ELFN1: variants seen among roughly 807,000 people sequenced by gnomAD.
ELFN1 encodes the protein protein ELFN1.
A neutral mutation model predicts 7.6 loss-of-function variants in ELFN1; 6 were observed. The ratio of observed to expected loss-of-function variants is 0.79; its 90% CI spans 0.43 to 1.56. The LOEUF is 1.56. Ranked by LOEUF, ELFN1 falls within the 40% of genes most tolerant of loss-of-function variation. The pLI is 0.01. For synonymous variants in ELFN1, 657 were observed against 588.1 expected, an observed-to-expected ratio of 1.12 and a Z score of -1.70; for missense variants, 1,169 against 1,232.2, an observed-to-expected ratio of 0.95 and a Z score of 0.77.
At chr7:1,702,613 A>C (rs6952841) in intron 2 of ELFN1, among the ~76,000 whole-genome samples, 1 of 150,838 alleles carries the variant, frequency 6.6e-6, no homozygotes, top group African/African-American at 2.5e-5. Context: ...AAGACTGTTG[A>C]TGTTTCATAA....
intron 3 of ELFN1, among the ~76,000 whole-genome samples, chr7:1,725,106 G>C (rs1340550582): frequency 7.9e-5 from 12 of 152,256 alleles, no homozygotes; most frequent in Admixed American, 7.8e-4. Flanking sequence ...GGATCAAAAA[G>C]GGGTCTCCCA....
intron 3 of ELFN1, 31 bp from the exon 4 acceptor site, chr7:1,744,270 TCCC>T: frequency 3.0e-6 from 1 of 337,304 alleles, no homozygotes; most frequent in South Asian, 8.1e-5. Context: ...TTCTCTCTTG[TCCC>T]CTGACCGCTG....
chr7:1,724,368 C>T (rs1002885054), intron 3 of ELFN1, among the ~76,000 whole-genome samples: 2 of 152,140 alleles, frequency 1.3e-5, no homozygotes, highest in South Asian at 2.1e-4. Flanking sequence ...ACCGTGTTTA[C>T]CCTTGAACTT....
intron 3 of ELFN1, among the ~76,000 whole-genome samples, chr7:1,722,605 T>C (rs1225816748): frequency 6.6e-6 from 1 of 152,054 alleles, no homozygotes; most frequent in African/African-American, 2.4e-5. Flanking sequence ...TCCACTCCAG[T>C]ACTTTAATAC....
intron 1 of ELFN1, among the ~76,000 whole-genome samples, chr7:1,684,702 A>T (rs1779034277): frequency 6.6e-6 from 1 of 152,156 alleles, no homozygotes. Context: ...ATTAATACTA[A>T]CAATTATGGT....
rs1779270128 is a variant in ELFN1 at position 1,695,021 on chromosome 7, C to T, written c.-456+6871C>T. On this transcript the variant is annotated intron_variant, in intron 2 of 3. Coordinates refer to ENST00000424383, the MANE Select transcript of ELFN1 (RefSeq NM_001128636.4). The surrounding 1 kb of genome is among the most constrained non-coding windows in gnomAD (Gnocchi z 5.1). Reference sequence around the variant, plus strand: ...CTCCCTGTTGAGTGCTGCAGAGGGGCGTCGGGCGTCGTGCACATGTGCCCA... The same window carrying T: ...CTCCCTGTTGAGTGCTGCAGAGGGGTGTCGGGCGTCGTGCACATGTGCCCA... Among the ~76,000 whole-genome samples the T allele has an allele frequency of 6.6e-6, 1 of 152,180 alleles. No homozygotes were observed.
chr7:1,710,094 A>G (rs1007321915), intron 3 of ELFN1, among the ~76,000 whole-genome samples: 4 of 152,232 alleles, frequency 2.6e-5, no homozygotes, highest in Admixed American at 2.0e-4. Context: ...AACACAGTAC[A>G]CTGAAAAGTC....
At chr7:1,744,215 G>C (rs2895213) in intron 3 of ELFN1, 89 bp from the exon 4 acceptor site, 239,848 of 243,960 alleles carry the variant, frequency 0.98, 117,915 homozygotes, top group East Asian at 1. Context: ...AGGCCACATT[G>C]GGATGCCGCC....
At chr7:1,708,013 C>T (rs1779572754) in intron 2 of ELFN1, among the ~76,000 whole-genome samples, 1 of 152,186 alleles carries the variant, frequency 6.6e-6, no homozygotes, top group Non-Finnish European at 1.5e-5. Context: ...AGCACCAACC[C>T]CCCGCCTCTG....
At chr7:1,672,372 C>T (rs1057468309) in intron 1 of ELFN1, among the ~76,000 whole-genome samples, 2 of 152,220 alleles carry the variant, frequency 1.3e-5, no homozygotes, top group African/African-American at 4.8e-5. Flanking sequence ...CTCCACCTCC[C>T]TACCACGGTC....
At chr7:1,672,841 G>A (rs1278049094) in intron 1 of ELFN1, among the ~76,000 whole-genome samples, 1 of 152,082 alleles carries the variant, frequency 6.6e-6, no homozygotes, top group Non-Finnish European at 1.5e-5. Context: ...ATGGACTTGG[G>A]GTGTTCATAT....
chr7:1,745,568 C>G lies in ELFN1; in HGVS notation c.972C>G (p.Leu324=). The change falls in exon 4 of 4, where the codon CTC becomes CTG. Residue 324 remains leucine, a synonymous_variant. Coordinates refer to ENST00000424383, the MANE Select transcript of ELFN1 (RefSeq NM_001128636.4). ...GCCCCCTCATCAAGGTCAAGCAGCT[C>G]ACTCAGAACTCGGCCACCATCACCG... is the stretch of plus-strand genomic sequence containing the variant. The part of the protein sequence containing the change: ...EARPLIKVKQ[L]TQNSATITVQ... The G allele has an allele frequency of 6.4e-7, 1 of 1,550,426 alleles. No individual in the cohort carries two copies. Among genetic ancestry groups the G allele is most frequent in the South Asian group, 1.2e-5 (1 of 84,064 alleles).
chr7:1,674,032 G>A (rs1195915584), intron 1 of ELFN1, among the ~76,000 whole-genome samples: 1 of 151,450 alleles, frequency 6.6e-6, no homozygotes, highest in African/African-American at 2.4e-5. Flanking sequence ...CACAGGAGCT[G>A]GTGGGGAAAC....
rs1780817278 is a variant in ELFN1, at chr7:1,746,854, T to C, written c.2258T>C (p.Leu753Pro). ...PRPRDLAYSQ[L>P]SPQYHSLSYS... The stretch of plus-strand genomic sequence containing the variant: ...CCCCGCGACCTCGCCTACTCGCAGC[T>C]GTCCCCGCAGTACCACAGCCTGAGC... Residue 753 changes from leucine to proline, a missense_variant, in exon 4 of 4, where the codon CTG becomes CCG. Physicochemically the swap from Leu to Pro is moderately conservative, Grantham distance 98. Transcript: ENST00000424383. The C allele has an allele frequency of 6.5e-7, 1 of 1,537,914 alleles. No homozygotes were observed. The highest frequency in any genetic ancestry group is 8.8e-7 in the Non-Finnish European group (1 of 1,141,106).
intron 2 of ELFN1, among the ~76,000 whole-genome samples, chr7:1,704,272 G>A (rs138815573): frequency 6.2e-4 from 94 of 152,262 alleles, no homozygotes; most frequent in Middle Eastern, 3.4e-3. Context: ...CAGCACCGAT[G>A]GAGGCCATAC....
intron 3 of ELFN1, among the ~76,000 whole-genome samples, chr7:1,742,740 C>T (rs890625579): frequency 6.6e-6 from 1 of 152,252 alleles, no homozygotes; most frequent in Admixed American, 6.5e-5. Flanking sequence ...TTGTAGCCCC[C>T]ATGCCGTCTG....
intron 3 of ELFN1, among the ~76,000 whole-genome samples, chr7:1,728,263 C>T (rs574703980): frequency 4.6e-5 from 7 of 152,380 alleles, no homozygotes; most frequent in Non-Finnish European, 8.8e-5. Flanking sequence ...CTGCAGTAGC[C>T]CCTGTGGAGG....
rs539554998 is a variant in ELFN1 at position 1,682,428 on chromosome 7, T to TTTTTA, written c.-548-5615_-548-5611dup. Among the ~76,000 whole-genome samples the TTTTTA allele has an allele frequency of 4.3e-3, 656 of 152,150 alleles. 4 individuals are homozygous for TTTTTA. Among genetic ancestry groups the TTTTTA allele is most frequent in the African/African-American group, 0.015 (624 of 41,506 alleles). ...CTATTCCATTTGAAGTATATGCCTATTTTTATTTTATTTTATTTTTTTTAT... is the reference window on the plus strand; with the variant it reads ...CTATTCCATTTGAAGTATATGCCTATTTTTATTTTATTTTATTTTATTTTTTTTAT... On this transcript the variant is annotated intron_variant, in intron 1 of 3. Transcript: ENST00000424383.
At chr7:1,672,881 T>C (rs1456225799) in intron 1 of ELFN1, among the ~76,000 whole-genome samples, 1 of 151,778 alleles carries the variant, frequency 6.6e-6, no homozygotes, top group Non-Finnish European at 1.5e-5. Flanking sequence ...AGGCAGGCCC[T>C]CGAGATGCCC....
Sources: allele counts gnomAD v4.1 joint callset (sites outside exome capture counted in the v4.1 genomes callset), GRCh38; gene constraint gnomAD v4.1.1; non-coding constraint Gnocchi (gnomAD v3.1); transcripts MANE v1.5; gene names NCBI Gene and HGNC (gene_info 2026-07-23, HGNC 2026-07-21).